Variants in OR56A3 observed in about 807,000 individuals in gnomAD.
The protein encoded by OR56A3 is olfactory receptor 56A3.
In OR56A3, 23 loss-of-function variants were observed where a neutral mutation model predicts 17.5. The ratio of observed to expected loss-of-function variants is 1.32; its 90% CI spans 0.95 to 1.87. OR56A3 has a LOEUF of 1.87. OR56A3 is among the 40% of genes most tolerant of loss of function. OR56A3 has a pLI of 0.00. For missense variants in OR56A3, 366 were observed against 380.1 expected, an observed-to-expected ratio of 0.96 and a Z score of 0.31; for synonymous variants, 175 against 150.6, an observed-to-expected ratio of 1.16 and a Z score of -1.19.
chr11:5,962,984 G>A, the OR56A3 span, among the ~76,000 whole-genome samples: 97 of 152,160 alleles, frequency 6.4e-4, 1 homozygote, highest in Admixed American at 1.4e-3. Context: ...TTGTTGGTGT[G>A]TAGTTGATCA....
chr11:6,009,790 C>A, the OR56A3 span, among the ~76,000 whole-genome samples: 2 of 152,182 alleles, frequency 1.3e-5, no homozygotes, highest in African/African-American at 4.8e-5. Context: ...GAAGATAATT[C>A]AGCCATTATC....
the OR56A3 span, chr11:5,995,101 TGGAC>T: frequency 1.7e-6 from 1 of 593,172 alleles, no homozygotes; most frequent in South Asian, 1.8e-5. Context: ...GCTGGGCGGC[TGGAC>T]GCAGCCCAGG....
rs774119906 is a variant in OR56A3 at position 5,948,178 on chromosome 11, G to T, written c.832G>T (p.Val278Phe). ...AKKKVSPDVP[V>F]LLNVLHHVIP... ...GAAGAAAGTCTCCCCTGATGTGCCA[G>T]TCTTGCTCAATGTTCTCCACCATGT... is the stretch of plus-strand genomic sequence containing the variant. The change falls in exon 3 of 3, where the codon GTC becomes TTC. Residue 278 changes from valine (V) to phenylalanine (F), a missense_variant. Transcript: ENST00000641160. 1.9e-6 allele frequency: 3 copies of T among 1,614,208 alleles called. No individual in the cohort carries two copies. Among genetic ancestry groups the T allele is most frequent in the South Asian group, 2.2e-5 (2 of 91,090 alleles).
chr11:5,977,814 A>T, the OR56A3 span, among the ~76,000 whole-genome samples: 1 of 152,148 alleles, frequency 6.6e-6, no homozygotes, highest in Non-Finnish European at 1.5e-5. Context: ...GATATTTCCT[A>T]GATTTTCTTA....
At chr11:6,009,578 C>T in the OR56A3 span, among the ~76,000 whole-genome samples, 3 of 152,088 alleles carry the variant, frequency 2.0e-5, no homozygotes, top group African/African-American at 7.2e-5. Flanking sequence ...ACACATAATA[C>T]ATTATATATT....
the OR56A3 span, among the ~76,000 whole-genome samples, chr11:5,975,657 G>A: frequency 5.9e-5 from 9 of 151,836 alleles, no homozygotes; most frequent in Admixed American, 3.9e-4. Flanking sequence ...GAGTAGTGCC[G>A]CAATAAACAT....
At chr11:5,942,706 A>G (rs947417994) in intron 1 of OR56A3, among the ~76,000 whole-genome samples, 3 of 152,244 alleles carry the variant, frequency 2.0e-5, no homozygotes, top group Non-Finnish European at 2.9e-5. Flanking sequence ...AATATTTCTG[A>G]TCAAAATTGC....
the OR56A3 span, among the ~76,000 whole-genome samples, chr11:6,004,037 G>A: frequency 6.6e-6 from 1 of 152,184 alleles, no homozygotes; most frequent in Non-Finnish European, 1.5e-5. Flanking sequence ...AAGGGTAACA[G>A]CAATGACTGT....
At chr11:5,971,920 C>T in the OR56A3 span, among the ~76,000 whole-genome samples, 8 of 152,214 alleles carry the variant, frequency 5.3e-5, no homozygotes, top group East Asian at 1.5e-3. Context: ...TGAAGCCTTC[C>T]AAAATATATG....
In OR56A3 at chr11:5,950,352, C is replaced by T. The variant is rs1313683665; in HGVS notation, c.*2058C>T. 6.6e-6 allele frequency: 1 copy of T among 152,062 alleles called. No individual in the cohort carries two copies. The highest frequency in any genetic ancestry group is 1.5e-5 in the Non-Finnish European group (1 of 67,968). The allele number at this position is 152,062 out of a possible 1,614,324, so 9.4% of individuals were successfully genotyped here. A position where few individuals can be genotyped will look rare whatever the true frequency, so the allele number is the denominator to read the frequency against. On this transcript the variant is annotated 3_prime_UTR_variant, in exon 3 of 3. Transcript: ENST00000641160. ...GAAAATTTTCCATAAGTCTTGTCTT[C>T]CCAAAGAACATGGTAAAAAGTTCAT...
rs1397417934 is a variant in OR56A3 at position 5,945,086 on chromosome 11, T to C, written c.-37+4T>C. 3 of 152,234 alleles carry C rather than the reference T, an allele frequency of 2.0e-5. No individual in the cohort carries two copies. The highest frequency in any genetic ancestry group is 2.1e-4 in the South Asian group (1 of 4,834). 9.4% of individuals were successfully genotyped at this position (152,234 alleles called of 1,614,324 possible). Reference sequence around the variant, plus strand: ...CTACCTGAACCTCTTCCAAAAAGTATGTTTCCATCAGTAGGAAAATATCAT... The same window carrying C: ...CTACCTGAACCTCTTCCAAAAAGTACGTTTCCATCAGTAGGAAAATATCAT... On this transcript the variant is annotated splice_donor_region_variant and intron_variant, in intron 2 of 2. Coordinates refer to ENST00000641160, the MANE Select transcript of OR56A3 (RefSeq NM_001003443.3).
At chr11:6,021,806 G>T in the OR56A3 span, 1 of 151,962 alleles carries the variant, frequency 6.6e-6, no homozygotes, top group African/African-American at 2.4e-5. Context: ...CGCAAACAAT[G>T]TCTAGTCAAG....
the OR56A3 span, among the ~76,000 whole-genome samples, chr11:5,976,254 G>C: frequency 6.6e-6 from 1 of 151,108 alleles, no homozygotes; most frequent in African/African-American, 2.4e-5. Flanking sequence ...GAAAAGAAAA[G>C]GAACTTTAAG....
the OR56A3 span, among the ~76,000 whole-genome samples, chr11:5,959,050 C>T: frequency 4.6e-5 from 7 of 152,256 alleles, no homozygotes; most frequent in Admixed American, 1.3e-4. Flanking sequence ...TAGGTTAATT[C>T]CATAGGTTGG....
chr11:5,954,104 T>C (rs1356311684), downstream of OR56A3, among the ~76,000 whole-genome samples: 1 of 152,206 alleles, frequency 6.6e-6, no homozygotes, highest in African/African-American at 2.4e-5. Context: ...GATGGTCAAG[T>C]TGATCATTGG....
chr11:5,988,924 G>T, the OR56A3 span, among the ~76,000 whole-genome samples: 1 of 152,328 alleles, frequency 6.6e-6, no homozygotes, highest in South Asian at 2.1e-4. Flanking sequence ...GTGCACATGT[G>T]CGTGTAAAGA....
chr11:5,994,884 A>T, the OR56A3 span: 1 of 758,638 alleles, frequency 1.3e-6, no homozygotes, highest in Non-Finnish European at 2.4e-6. Flanking sequence ...TCCGGGTAGG[A>T]GGCCAGGCAG....
chr11:6,009,673 C>A, the OR56A3 span, among the ~76,000 whole-genome samples: 1 of 152,224 alleles, frequency 6.6e-6, no homozygotes, highest in South Asian at 2.1e-4. Context: ...TACTATTTAT[C>A]CGGCTCTATT....
At chr11:5,943,971 A>G (rs987767235) in intron 1 of OR56A3, among the ~76,000 whole-genome samples, 2 of 152,242 alleles carry the variant, frequency 1.3e-5, no homozygotes, top group Non-Finnish European at 2.9e-5. Flanking sequence ...TTCTAGGCTT[A>G]GAAGGTCTTA....
Sources: allele counts gnomAD v4.1 joint callset (sites outside exome capture counted in the v4.1 genomes callset), GRCh38; gene constraint gnomAD v4.1.1; transcripts MANE v1.5; gene names NCBI Gene and HGNC (gene_info 2026-07-23, HGNC 2026-07-21).